RBM27: variants seen among roughly 807,000 people sequenced by gnomAD.
RBM27 encodes RNA-binding protein 27.
RBM27 carries 22 observed loss-of-function variants against 135.3 expected under a neutral mutation model. The observed-to-expected ratio is 0.16, with a 90% CI of 0.12 to 0.23. The LOEUF (loss-of-function observed/expected upper bound fraction) is 0.23, where lower values mean the gene tolerates loss of function less well. Ranked by LOEUF, RBM27 falls within the 10% of genes least tolerant of loss-of-function variation. The probability of loss-of-function intolerance (pLI) is 1.00; values close to 1 mark genes in which losing one functional copy is unlikely to be tolerated. For missense variants in RBM27, 1,009 were observed against 1,281.0 expected (o/e 0.79, Z 3.24); for synonymous variants, 481 against 442.4 (o/e 1.09, Z -1.10).
At chr5:146,277,938 C>T (rs1759163714) in intron 19 of RBM27, among the ~76,000 whole-genome samples, 1 of 152,050 alleles carries the variant, frequency 6.6e-6, no homozygotes, top group Non-Finnish European at 1.5e-5. Flanking sequence ...AGTGTGACTG[C>T]CAAAATACCT....
intron 12 of RBM27, 34 bp downstream of exon 12, chr5:146,260,932 C>G (rs1758369800): frequency 6.3e-7 from 1 of 1,575,302 alleles, no homozygotes; most frequent in African/African-American, 1.4e-5. Flanking sequence ...AGAATCCAGG[C>G]ATTTTATGGG....
chr5:146,263,631 G>C lies in RBM27; in HGVS notation c.2331G>C (p.Gln777His). 6.2e-7 allele frequency: 1 copy of C among 1,612,740 alleles called. No individual in the cohort carries two copies. Among genetic ancestry groups the C allele is most frequent in the East Asian group, 2.2e-5 (1 of 44,852 alleles). Residue 777 changes from glutamine (Q) to histidine (H), a missense_variant and splice_region_variant, in exon 14 of 21, where the codon CAG (glutamine) becomes CAC (histidine). Around this residue, in one of 6 missense-constraint regions of RBM27, gnomAD observed 355 missense variants for 427.3 expected, o/e 0.83. Transcript: ENST00000265271. ...NQSGGAGEDC[Q>H]IFSTPGHPKM... ...CTGGTGGTGCTGGAGAAGATTGCCA[G>C]GTATGCATTTTTGGGAGCTTCAGAT...
chr5:146,236,743 C>T (rs754293142), intron 7 of RBM27, among the ~76,000 whole-genome samples: 2 of 151,940 alleles, frequency 1.3e-5, no homozygotes, highest in African/African-American at 2.4e-5. Context: ...TCTGCCTCAG[C>T]TTCCCAAATA....
rs574473194 is a variant in RBM27 at position 146,229,033 on chromosome 5, C to A, written c.391C>A (p.Arg131=). 3.7e-6 allele frequency: 6 copies of A among 1,612,370 alleles called. No homozygotes were observed. The Admixed American group carries it at 6.7e-5, about 18-fold the overall frequency. Reference sequence around the variant, plus strand: ...GAAGACTCGTTCAGAATCTAGTGAACGAAGGTTTGTGTTTATCTTTAATTA... The same window carrying A: ...GAAGACTCGTTCAGAATCTAGTGAAAGAAGGTTTGTGTTTATCTTTAATTA... ...PQKTRSESSE[R]RTREKKREDG... The change falls in exon 4 of 21, where the codon CGA becomes AGA. Residue 131 remains arginine, a synonymous_variant. Coordinates refer to ENST00000265271, the MANE Select transcript of RBM27 (RefSeq NM_018989.2).
intron 1 of RBM27, among the ~76,000 whole-genome samples, chr5:146,213,748 T>C (rs1192469594): frequency 6.6e-6 from 1 of 152,236 alleles, no homozygotes. Context: ...TTGTGTAATA[T>C]ACGTGCAATA....
At position 146,255,075 on chromosome 5, in the gene RBM27, T is replaced by G. The variant is rs774146717; in HGVS notation, c.1577T>G (p.Met526Arg). ...PNLIGLTSGDMDVNPRAANIV... is the reference protein window; with the variant it reads ...PNLIGLTSGDRDVNPRAANIV... ...CTGATTGGCCTAACATCTGGAGATA[T>G]GGATGTAAATCCAAGAGGTGAGAAT... The change falls in exon 10 of 21, where the codon ATG (methionine) becomes AGG (arginine). Residue 526 changes from methionine (M) to arginine (R), a missense_variant. Met to Arg is a moderately conservative substitution (Grantham distance 91, BLOSUM62 -1). This residue lies in a region of RBM27 where 329 missense variants were observed against 368.1 expected (regional missense o/e 0.89). Coordinates refer to ENST00000265271, the MANE Select transcript of RBM27 (RefSeq NM_018989.2). 1.9e-6 allele frequency: 3 copies of G among 1,612,202 alleles called. No individual in the cohort carries two copies. Among genetic ancestry groups the G allele is most frequent in the Non-Finnish European group, 2.5e-6 (3 of 1,178,984 alleles).
chr5:146,255,006 A>C lies in RBM27; in HGVS notation c.1508A>C (p.Gln503Pro), dbSNP rs1307375063. The change falls in exon 10 of 21, where the codon CAG becomes CCG. Residue 503 changes from glutamine (Q) to proline (P), a missense_variant. This residue lies in a region of RBM27 where 329 missense variants were observed against 368.1 expected (regional missense o/e 0.89). Transcript: ENST00000265271. ...AGTATTACTAGTTCTGGTAGATCTCAGTACAGACAGTTCTTTTCAAGAACT... is the reference window on the plus strand; with the variant it reads ...AGTATTACTAGTTCTGGTAGATCTCCGTACAGACAGTTCTTTTCAAGAACT... ...APSITSSGRS[Q>P]YRQFFSRTQT... The C allele has an allele frequency of 5.6e-6, 9 of 1,599,094 alleles. No individual in the cohort carries two copies. The African/African-American group carries it at 9.4e-5, about 17-fold the overall frequency.
At chr5:146,204,600 G>T (rs1455955385) in intron 1 of RBM27, among the ~76,000 whole-genome samples, 2 of 152,182 alleles carry the variant, frequency 1.3e-5, no homozygotes, top group Admixed American at 1.3e-4. Flanking sequence ...CTGGTATGCA[G>T]CATTAATTGG....
At chr5:146,274,280 A>G (rs1317578464) in intron 19 of RBM27, among the ~76,000 whole-genome samples, 1 of 140,804 alleles carries the variant, frequency 7.1e-6, no homozygotes, top group Admixed American at 7.3e-5. Flanking sequence ...GTTTTTTGTG[A>G]CAGTCTCCAT....
intron 11 of RBM27, among the ~76,000 whole-genome samples, chr5:146,260,303 A>G (rs1011507882): frequency 2.0e-5 from 3 of 149,688 alleles, no homozygotes; most frequent in Non-Finnish European, 2.9e-5. Context: ...CGTCTACAAA[A>G]AAAAAAAAGA....
At chr5:146,242,539 C>T (rs1409352861) in intron 8 of RBM27, among the ~76,000 whole-genome samples, 6 of 152,260 alleles carry the variant, frequency 3.9e-5, no homozygotes, top group African/African-American at 1.4e-4. Context: ...TAGTAGAGTT[C>T]CTGATAATCT....
chr5:146,206,017 C>A (rs1376552765), intron 1 of RBM27, among the ~76,000 whole-genome samples: 2 of 151,740 alleles, frequency 1.3e-5, no homozygotes, highest in Non-Finnish European at 2.9e-5. Flanking sequence ...CAGACTCCGT[C>A]TCAACAAAAT....
In RBM27 at chr5:146,205,548, T is replaced by G. The variant is rs544608902; in HGVS notation, c.59+1724T>G. Among the ~76,000 whole-genome samples the G allele has an allele frequency of 5.9e-5, 9 of 152,150 alleles. No homozygotes were observed. In the East Asian group the frequency reaches 1.7e-3, roughly 29 times the overall value. ...TTCAGTGAAAATGACTGAACACACT[T>G]GAAGGTTTTGTAGAAGAATATAGGT... is the stretch of plus-strand genomic sequence containing the variant. On this transcript the variant is annotated intron_variant, in intron 1 of 20. Coordinates refer to ENST00000265271, the MANE Select transcript of RBM27 (RefSeq NM_018989.2).
chr5:146,268,822 C>A (rs1308784434), intron 15 of RBM27, among the ~76,000 whole-genome samples: 4 of 152,074 alleles, frequency 2.6e-5, no homozygotes, highest in Admixed American at 6.6e-5. Context: ...ACCACCTCAG[C>A]CTCCCAAAAT....
At chr5:146,214,957 C>T (rs1178355045) in intron 1 of RBM27, among the ~76,000 whole-genome samples, 1 of 152,166 alleles carries the variant, frequency 6.6e-6, no homozygotes, top group East Asian at 1.9e-4. Context: ...ATTTTTAGCA[C>T]TATCATATCA....
intron 14 of RBM27, among the ~76,000 whole-genome samples, chr5:146,267,304 C>T (rs1039186937): frequency 1.3e-5 from 2 of 152,170 alleles, no homozygotes; most frequent in African/African-American, 2.4e-5. Flanking sequence ...GATGTTTAGT[C>T]ATTTTATAGT....
chr5:146,263,607 T>A lies in RBM27; in HGVS notation c.2307T>A (p.Ser769=). 1 of 1,614,018 alleles carries A rather than the reference T, an allele frequency of 6.2e-7. No homozygotes were observed. Among genetic ancestry groups the A allele is most frequent in the South Asian group, 1.1e-5 (1 of 91,028 alleles). ...QSDASHLLNQ[S]GGAGEDCQIF... ...ATGCATCACATTTGTTGAATCAGTC[T>A]GGTGGTGCTGGAGAAGATTGCCAGG... The change falls in exon 14 of 21, where the codon TCT becomes TCA. Residue 769 remains serine (S), a synonymous_variant. Coordinates refer to ENST00000265271, the MANE Select transcript of RBM27 (RefSeq NM_018989.2).
intron 19 of RBM27, among the ~76,000 whole-genome samples, chr5:146,284,270 T>C (rs1342112369): frequency 6.6e-6 from 1 of 152,174 alleles, no homozygotes; most frequent in African/African-American, 2.4e-5. Flanking sequence ...TCTATATATG[T>C]AGATATCAAA....
At chr5:146,212,971 C>T (rs1756031107) in intron 1 of RBM27, among the ~76,000 whole-genome samples, 1 of 152,066 alleles carries the variant, frequency 6.6e-6, no homozygotes, top group Admixed American at 6.6e-5. Flanking sequence ...AAAATTAATG[C>T]TGTTTTTATT....
Sources: gnomAD v4.1 joint callset for allele counts (sites outside exome capture counted in the v4.1 genomes callset) on GRCh38, gnomAD v4.1.1 for gene constraint, gnomAD v4.1.1 regional missense constraint, MANE v1.5 for transcripts, NCBI Gene and HGNC (gene_info 2026-07-23, HGNC 2026-07-21) for gene names.